LGSN: variants seen among roughly 807,000 people sequenced by gnomAD.
The protein encoded by LGSN is lengsin.
Under a neutral mutation model 19.5 loss-of-function variants are expected in LGSN, and 21 were observed. That is an observed-to-expected ratio of 1.07 (90% CI 0.76 to 1.55). LGSN has a LOEUF of 1.55. Among genes scored for constraint, LGSN ranks in the 40% most tolerant of loss-of-function variants. LGSN has a pLI of 0.00. For synonymous variants in LGSN, 257 were observed against 215.6 expected (o/e 1.19, Z -1.68); for missense variants, 673 against 608.5 (o/e 1.11, Z -1.12).
chr6:63,320,636 A>G (rs531015473), upstream of LGSN, among the ~76,000 whole-genome samples: 1 of 152,352 alleles, frequency 6.6e-6, no homozygotes, highest in African/African-American at 2.4e-5. Context: ...AGTAGAGGAA[A>G]TAGGGAATGC....
At chr6:63,505,634 A>T in the LGSN span, among the ~76,000 whole-genome samples, 2 of 127,290 alleles carry the variant, frequency 1.6e-5, no homozygotes, top group South Asian at 2.5e-4. Context: ...AGAAAGAAAG[A>T]AATTCTGGCA....
In LGSN at chr6:63,297,060, G is replaced by A. The variant is rs6936106; in HGVS notation, c.31-2015C>T. Among the ~76,000 whole-genome samples the A allele has an allele frequency of 2.9e-3, 448 of 151,976 alleles. 3 individuals carry two copies. Among genetic ancestry groups the A allele is most frequent in the African/African-American group, 0.01 (424 of 41,480 alleles). ...TTTCACCAATAAGAGCCCAAAAACT[G>A]ACCAGGCGCGGTGGCTCACACATGT... On this transcript the variant is annotated intron_variant, in intron 1 of 3. Transcript: ENST00000370657.
the LGSN span, among the ~76,000 whole-genome samples, chr6:63,407,460 C>A: frequency 3.3e-5 from 5 of 152,142 alleles, no homozygotes; most frequent in African/African-American, 1.2e-4. Flanking sequence ...GCAGAAAAGA[C>A]CTTTGACAAA....
At chr6:63,500,609 T>A in the LGSN span, among the ~76,000 whole-genome samples, 1 of 151,822 alleles carries the variant, frequency 6.6e-6, no homozygotes, top group African/African-American at 2.4e-5. Flanking sequence ...TTAGTAGGGA[T>A]AGGGTTGCTC....
At chr6:63,560,102 C>T in the LGSN span, among the ~76,000 whole-genome samples, 2 of 152,026 alleles carry the variant, frequency 1.3e-5, no homozygotes, top group African/African-American at 2.4e-5. Flanking sequence ...ACAATAGTGC[C>T]TCTCAATAAA....
At chr6:63,414,968 T>A in the LGSN span, among the ~76,000 whole-genome samples, 1 of 152,284 alleles carries the variant, frequency 6.6e-6, no homozygotes, top group African/African-American at 2.4e-5. Flanking sequence ...GGAGACTTTT[T>A]AAAATAAAGA....
chr6:63,391,147 T>TA, the LGSN span, among the ~76,000 whole-genome samples: 1 of 152,226 alleles, frequency 6.6e-6, no homozygotes, highest in Non-Finnish European at 1.5e-5. Flanking sequence ...ATCTCGTTTT[T>TA]AAAAAATATG....
the LGSN span, among the ~76,000 whole-genome samples, chr6:63,560,503 A>T: frequency 1.3e-5 from 2 of 150,950 alleles, no homozygotes; most frequent in African/African-American, 4.9e-5. Flanking sequence ...CCCGAGTTCA[A>T]GTGATTCTCC....
At chr6:63,305,143 GT>G (rs375279433) in intron 1 of LGSN, among the ~76,000 whole-genome samples, 43 of 151,588 alleles carry the variant, frequency 2.8e-4, no homozygotes, top group African/African-American at 9.0e-4. Flanking sequence ...AAACAGTACA[GT>G]TTTTTTTTCT....
At chr6:63,515,348 C>T in the LGSN span, among the ~76,000 whole-genome samples, 380 of 152,258 alleles carry the variant, frequency 2.5e-3, 2 homozygotes, top group African/African-American at 8.7e-3. Context: ...TCTCCTGCCT[C>T]AGCTTCCCGT....
chr6:63,412,717 A>AAGAAGGAAGGAAGGAAGGAAGGAC, the LGSN span, among the ~76,000 whole-genome samples: 111 of 86,556 alleles, frequency 1.3e-3, 3 homozygotes, highest in Middle Eastern at 9.0e-3. Flanking sequence ...GAGGGAAGGA[A>AAGAAGGAAGGAAGGAAGGAAGGAC]GGAAAGAAAG....
chr6:63,291,439 T>A (rs1767764510), intron 2 of LGSN, among the ~76,000 whole-genome samples: 1 of 151,824 alleles, frequency 6.6e-6, no homozygotes, highest in Non-Finnish European at 1.5e-5. Context: ...TGGGATGGAG[T>A]GGGAATATGA....
the LGSN span, among the ~76,000 whole-genome samples, chr6:63,334,003 C>T: frequency 2.3e-4 from 35 of 152,208 alleles, no homozygotes; most frequent in African/African-American, 7.9e-4. Flanking sequence ...ATAACAAATG[C>T]CCAGCTGACA....
At chr6:63,470,557 A>T in the LGSN span, among the ~76,000 whole-genome samples, 391 of 151,898 alleles carry the variant, frequency 2.6e-3, no homozygotes, top group African/African-American at 8.8e-3. Context: ...TTTTTATTTT[A>T]ACCTGAAAAA....
chr6:63,420,851 C>T, the LGSN span, among the ~76,000 whole-genome samples: 1 of 151,802 alleles, frequency 6.6e-6, no homozygotes, highest in African/African-American at 2.4e-5. Context: ...AAAAATGTTT[C>T]AATGAGCAAT....
At chr6:63,528,585 G>C in the LGSN span, among the ~76,000 whole-genome samples, 3 of 151,866 alleles carry the variant, frequency 2.0e-5, no homozygotes, top group East Asian at 5.9e-4. Flanking sequence ...AAACAAATTA[G>C]CCAGCCATGA....
chr6:63,460,346 AAC>A, the LGSN span, among the ~76,000 whole-genome samples: 2 of 151,804 alleles, frequency 1.3e-5, no homozygotes, highest in African/African-American at 4.8e-5. Context: ...GATGCCCAAA[AAC>A]ACACCACAGT....
chr6:63,363,988 A>G, the LGSN span, among the ~76,000 whole-genome samples: 5 of 152,236 alleles, frequency 3.3e-5, no homozygotes, highest in African/African-American at 1.2e-4. Context: ...CCAATTGTAA[A>G]GACCATCGAT....
chr6:63,300,553 C>G (rs376585525), intron 1 of LGSN, among the ~76,000 whole-genome samples: 38 of 152,064 alleles, frequency 2.5e-4, no homozygotes, highest in East Asian at 1.9e-3. Flanking sequence ...GTAGTCCCAG[C>G]TACTCGGGAG....
Sources: gnomAD v4.1 joint callset for allele counts (sites outside exome capture counted in the v4.1 genomes callset) on GRCh38, gnomAD v4.1.1 for gene constraint, MANE v1.5 for transcripts, NCBI Gene and HGNC (gene_info 2026-07-23, HGNC 2026-07-21) for gene names.